The following CELSR1 variants were observed in gnomAD, a reference collection of about 807,000 sequenced individuals.
The protein encoded by CELSR1 is cadherin EGF LAG seven-pass G-type receptor 1.
A neutral mutation model predicts 249.1 loss-of-function variants in CELSR1; 110 were observed. That is an observed-to-expected ratio of 0.44 (90% CI 0.38 to 0.52). The LOEUF (loss-of-function observed/expected upper bound fraction) is 0.52. Ranked by LOEUF, CELSR1 falls within the 20% of genes least tolerant of loss-of-function variation. The pLI is 0.00. For missense variants in CELSR1, 4,109 were observed against 4,296.4 expected, an observed-to-expected ratio of 0.96 and a Z score of 1.22; for synonymous variants, 2,113 against 1,900.0, an observed-to-expected ratio of 1.11 and a Z score of -2.92.
At chr22:46,466,356 G>A (rs921759799) in intron 1 of CELSR1, among the ~76,000 whole-genome samples, 5 of 152,210 alleles carry the variant, frequency 3.3e-5, no homozygotes, top group East Asian at 1.9e-4. Context: ...CAGGAAACAC[G>A]TCCTCCAGTT....
chr22:46,507,718 G>A (rs959477293), intron 1 of CELSR1, among the ~76,000 whole-genome samples: 1 of 152,074 alleles, frequency 6.6e-6, no homozygotes, highest in African/African-American at 2.4e-5. Context: ...TGGCTGTGCC[G>A]CCCGAAGCCC....
chr22:46,366,821 G>A (rs73889255), intron 29 of CELSR1, among the ~76,000 whole-genome samples, 172 bp downstream of exon 29: 8,675 of 152,242 alleles, frequency 0.057, 797 homozygotes, highest in African/African-American at 0.19. Context: ...GGCCGATTCT[G>A]TCACTTTCTG....
chr22:46,466,946 A>G (rs2080103074), intron 1 of CELSR1, among the ~76,000 whole-genome samples: 3 of 152,178 alleles, frequency 2.0e-5, no homozygotes, highest in South Asian at 4.1e-4. Context: ...ACGCAGCAAG[A>G]AGGCACTGTC....
In CELSR1 at chr22:46,399,909, C is replaced by T. The variant is rs541475009; in HGVS notation, c.5227-7G>A. 22 of 1,613,678 alleles carry T rather than the reference C, an allele frequency of 1.4e-5. No homozygotes were observed. The East Asian group carries it at 4.5e-4, about 33-fold the overall frequency. On this transcript the variant is annotated splice_polypyrimidine_tract_variant and splice_region_variant and intron_variant, in intron 9 of 34. Transcript: ENST00000674500. This position sits in a 1 kb window ranked among gnomAD's most constrained non-coding sequence, Gnocchi z 5.0. ...GGAGGTAGTTGTTCAGGATCTGGAGCAGGGAGAGCCACACCGACTGATTGG... is the reference window on the plus strand; with the variant it reads ...GGAGGTAGTTGTTCAGGATCTGGAGTAGGGAGAGCCACACCGACTGATTGG...
At position 46,363,249 on chromosome 22, in the gene CELSR1, T is replaced by G; in HGVS notation, c.9036-2A>C. The stretch of plus-strand genomic sequence containing the variant: ...CAAATTGAAGTTTCATTACTGCCTC[T>G]GCGCGTGGGAAGAAGCCAGCAAGCA... On this transcript the variant is annotated splice_acceptor_variant, in intron 34 of 34. Transcript: ENST00000674500. LOFTEE classifies it high-confidence loss of function. The surrounding 1 kb of genome is among the most constrained non-coding windows in gnomAD (Gnocchi z 4.3). 1 of 1,612,016 alleles carries G rather than the reference T, an allele frequency of 6.2e-7. No individual in the cohort carries two copies. Among genetic ancestry groups the G allele is most frequent in the Non-Finnish European group, 8.5e-7 (1 of 1,179,022 alleles).
intron 2 of CELSR1, among the ~76,000 whole-genome samples, chr22:46,459,038 GT>G (rs2079989559): frequency 6.6e-6 from 1 of 150,832 alleles, no homozygotes; most frequent in African/African-American, 2.4e-5. Context: ...GACTACAGGC[GT>G]GTGCCACCAC....
At chr22:46,480,823 CT>C in intron 1 of CELSR1, among the ~76,000 whole-genome samples, 1 of 152,358 alleles carries the variant, frequency 6.6e-6, no homozygotes, top group South Asian at 2.1e-4. Context: ...TTTAGCACCA[CT>C]TTTTTCCGTT....
At chr22:46,477,479 C>T (rs981992062) in intron 1 of CELSR1, among the ~76,000 whole-genome samples, 1 of 151,108 alleles carries the variant, frequency 6.6e-6, no homozygotes, top group African/African-American at 2.4e-5. Flanking sequence ...GAGTGGCCAA[C>T]GAGCCTGTTT....
chr22:46,370,476 G>C (rs1282707643), intron 25 of CELSR1, among the ~76,000 whole-genome samples: 2 of 152,022 alleles, frequency 1.3e-5, no homozygotes, highest in African/African-American at 4.8e-5. Context: ...CGAGCTGCTT[G>C]TTTAGATAGA....
chr22:46,524,143 G>T (rs1019984138), intron 1 of CELSR1, among the ~76,000 whole-genome samples: 1 of 152,198 alleles, frequency 6.6e-6, no homozygotes, highest in Non-Finnish European at 1.5e-5. Flanking sequence ...CAGAGTCTGC[G>T]CCTGGCTCTT....
rs575798125 is a variant in CELSR1, at chr22:46,409,578, C to T, written c.5059+177G>A. Among the ~76,000 whole-genome samples the T allele has an allele frequency of 3.3e-5, 5 of 152,238 alleles. No homozygotes were observed. The highest frequency in any genetic ancestry group is 5.9e-5 in the Non-Finnish European group (4 of 68,006). On this transcript the variant is annotated intron_variant, in intron 8 of 34. Transcript: ENST00000674500. The surrounding 1 kb of genome is among the most constrained non-coding windows in gnomAD (Gnocchi z 9.8). ...GGGACCCCAGAAGCAGGAGCAGGGG[C>T]TCTGCGGAGGACAGTCTCTTGGAGA...
chr22:46,438,690 G>T (rs5768773), intron 3 of CELSR1, among the ~76,000 whole-genome samples: 7 of 151,982 alleles, frequency 4.6e-5, no homozygotes, highest in South Asian at 2.1e-4. Flanking sequence ...CCAGAGGCTG[G>T]GGAGGGAGCA....
intron 1 of CELSR1, among the ~76,000 whole-genome samples, chr22:46,504,988 T>C (rs558161941): frequency 5.3e-5 from 8 of 152,146 alleles, no homozygotes; most frequent in Non-Finnish European, 8.8e-5. Flanking sequence ...AAAGGCCGGG[T>C]GCGGCGGCTC....
At chr22:46,463,168 G>T (rs1245714631) in intron 2 of CELSR1, among the ~76,000 whole-genome samples, 1 of 152,244 alleles carries the variant, frequency 6.6e-6, no homozygotes, top group Admixed American at 6.5e-5. Context: ...AGTCGGGCAG[G>T]GAAAGTGAGT....
chr22:46,496,790 T>C (rs1047521753), intron 1 of CELSR1, among the ~76,000 whole-genome samples: 1 of 152,112 alleles, frequency 6.6e-6, no homozygotes, highest in Non-Finnish European at 1.5e-5. Flanking sequence ...TCACCATCTA[T>C]ACTAATAATG....
At chr22:46,479,037 C>T (rs2080239541) in intron 1 of CELSR1, among the ~76,000 whole-genome samples, 1 of 151,796 alleles carries the variant, frequency 6.6e-6, no homozygotes, top group South Asian at 2.1e-4. Context: ...CAGCCAGGCT[C>T]CTCATCCAGC....
intron 1 of CELSR1, among the ~76,000 whole-genome samples, chr22:46,523,811 G>T (rs1240646800): frequency 6.6e-6 from 1 of 152,014 alleles, no homozygotes; most frequent in African/African-American, 2.4e-5. Context: ...TGCACCTGGT[G>T]CCCACCAGTC....
Position 46,413,809 on chromosome 22 carries a change from G to C in CELSR1, c.4612-2050C>G, listed in dbSNP as rs1263421175. Reference sequence around the variant, plus strand: ...GAAAACGCGTGGAAGTGCCCATTATGGGACGCTTAAATGTGAGATGCGATC... The same window carrying C: ...GAAAACGCGTGGAAGTGCCCATTATCGGACGCTTAAATGTGAGATGCGATC... On this transcript the variant is annotated intron_variant, in intron 5 of 34. Coordinates refer to ENST00000674500, the MANE Select transcript of CELSR1 (RefSeq NM_001378328.1). This position sits in a 1 kb window ranked among gnomAD's most constrained non-coding sequence, Gnocchi z 4.7. Among the ~76,000 whole-genome samples the C allele has an allele frequency of 2.0e-5, 3 of 152,170 alleles. No individual in the cohort carries two copies. The highest frequency in any genetic ancestry group is 2.9e-5 in the Non-Finnish European group (2 of 68,034).
chr22:46,382,332 C>T (rs1050749266), intron 20 of CELSR1, among the ~76,000 whole-genome samples: 1 of 152,118 alleles, frequency 6.6e-6, no homozygotes, highest in East Asian at 1.9e-4. Flanking sequence ...GGCTGGAGTG[C>T]AGTGGCGCCA....
Sources: gnomAD v4.1 joint callset for allele counts (sites outside exome capture counted in the v4.1 genomes callset) on GRCh38, gnomAD v4.1.1 for gene constraint, Gnocchi (gnomAD v3.1) non-coding constraint, MANE v1.5 for transcripts, NCBI Gene and HGNC (gene_info 2026-07-23, HGNC 2026-07-21) for gene names.